The following ALK variants were observed in gnomAD, a reference collection of about 807,000 sequenced individuals.
ALK encodes ALK tyrosine kinase receptor.
A neutral mutation model predicts 163.1 loss-of-function variants in ALK; 74 were observed. That is an observed-to-expected ratio of 0.45 (90% CI 0.38 to 0.55). The LOEUF (loss-of-function observed/expected upper bound fraction) is 0.55. Among genes scored for constraint, ALK ranks in the 20% least tolerant of loss-of-function variants. The probability of loss-of-function intolerance (pLI) is 0.00; values close to 1 mark genes in which losing one functional copy is unlikely to be tolerated. For missense variants in ALK, 2,063 were observed against 2,105.3 expected (o/e 0.98, Z 0.39); for synonymous variants, 960 against 843.2 (o/e 1.14, Z -2.40).
At chr2:29,581,391 T>C (rs534772943) in intron 3 of ALK, among the ~76,000 whole-genome samples, 71 of 151,870 alleles carry the variant, frequency 4.7e-4, no homozygotes, top group African/African-American at 1.6e-3. Context: ...CCATCTCAAA[T>C]AAAATAAAAT....
chr2:29,468,597 C>G (rs1573379618), intron 4 of ALK, among the ~76,000 whole-genome samples: 1 of 151,974 alleles, frequency 6.6e-6, no homozygotes, highest in Admixed American at 6.6e-5. Flanking sequence ...TGCCTGTAAT[C>G]CAACACTCTG....
At chr2:29,487,252 G>A (rs993791980) in intron 4 of ALK, among the ~76,000 whole-genome samples, 4 of 152,188 alleles carry the variant, frequency 2.6e-5, no homozygotes, top group Non-Finnish European at 4.4e-5. Flanking sequence ...ATGTAGGGGA[G>A]CTTGAATGGA....
At chr2:29,366,564 T>C (rs1196401495) in intron 5 of ALK, among the ~76,000 whole-genome samples, 1 of 152,092 alleles carries the variant, frequency 6.6e-6, no homozygotes, top group African/African-American at 2.4e-5. Context: ...GTGATCTGTG[T>C]GGACCTAATG....
At chr2:29,283,266 G>A (rs1004611801) in intron 9 of ALK, among the ~76,000 whole-genome samples, 2 of 152,226 alleles carry the variant, frequency 1.3e-5, no homozygotes, top group Non-Finnish European at 2.9e-5. Flanking sequence ...CCAACTTGTC[G>A]AATCTCATTT....
rs922824549 is a variant in ALK at position 29,545,928 on chromosome 2, T to G, written c.953-13812A>C. The stretch of plus-strand genomic sequence containing the variant: ...TGCACAATTAGGAGCCTCTGCAAAC[T>G]GAAAAGGCAAAACAACCTTTCGGGT... On this transcript the variant is annotated intron_variant, in intron 3 of 28. Coordinates refer to ENST00000389048, the MANE Select transcript of ALK (RefSeq NM_004304.5). Among the ~76,000 whole-genome samples, 5 of 152,166 alleles carry G rather than the reference T, an allele frequency of 3.3e-5. No homozygotes were observed. The East Asian group carries it at 9.6e-4, about 29-fold the overall frequency.
intron 1 of ALK, among the ~76,000 whole-genome samples, chr2:29,849,402 A>G (rs1665936864): frequency 6.6e-6 from 1 of 152,158 alleles, no homozygotes; most frequent in Non-Finnish European, 1.5e-5. Flanking sequence ...GGGACTACCC[A>G]CAGAGCTGTG....
intron 26 of ALK, among the ~76,000 whole-genome samples, chr2:29,200,340 AC>A (rs1220791150): frequency 2.6e-5 from 4 of 152,198 alleles, no homozygotes; most frequent in African/African-American, 9.7e-5. Flanking sequence ...ATAGAACTGC[AC>A]ATGAATATTT....
At chr2:29,882,919 A>T (rs1022171530) in intron 1 of ALK, among the ~76,000 whole-genome samples, 2 of 152,160 alleles carry the variant, frequency 1.3e-5, no homozygotes, top group African/African-American at 4.8e-5. Context: ...ATCATCATGT[A>T]TTTTTATTTG....
chr2:29,707,280 G>A (rs796211470), intron 2 of ALK, among the ~76,000 whole-genome samples: 9 of 152,152 alleles, frequency 5.9e-5, no homozygotes, highest in African/African-American at 2.2e-4. Flanking sequence ...AGGACCTACT[G>A]GGTGTTAATG....
At chr2:29,219,580 T>C (rs1172510689) in intron 23 of ALK, among the ~76,000 whole-genome samples, 3 of 152,226 alleles carry the variant, frequency 2.0e-5, no homozygotes, top group African/African-American at 7.2e-5. Flanking sequence ...GCCTGGATCC[T>C]AACCTTGGGG....
At chr2:29,348,601 T>G (rs1054261761) in intron 5 of ALK, among the ~76,000 whole-genome samples, 1 of 152,206 alleles carries the variant, frequency 6.6e-6, no homozygotes, top group African/African-American at 2.4e-5. Context: ...TGATTGTTTA[T>G]AGGAAAGCAA....
At chr2:29,586,411 A>G (rs1317029680) in intron 3 of ALK, among the ~76,000 whole-genome samples, 1 of 152,200 alleles carries the variant, frequency 6.6e-6, no homozygotes, top group African/African-American at 2.4e-5. Flanking sequence ...ATTCTTATCT[A>G]CATTTGAGAA....
At chr2:29,452,160 C>T (rs1453505198) in intron 4 of ALK, among the ~76,000 whole-genome samples, 1 of 152,138 alleles carries the variant, frequency 6.6e-6, no homozygotes, top group Non-Finnish European at 1.5e-5. Flanking sequence ...TTTGGTTCTT[C>T]CTACTTCCTC....
chr2:29,566,821 T>C (rs1348547215), intron 3 of ALK, among the ~76,000 whole-genome samples: 1 of 152,116 alleles, frequency 6.6e-6, no homozygotes, highest in Non-Finnish European at 1.5e-5. Flanking sequence ...AAGTAATTAA[T>C]GACCTGGGAG....
intron 5 of ALK, among the ~76,000 whole-genome samples, chr2:29,337,688 C>T (rs551538050): frequency 1.3e-5 from 2 of 152,216 alleles, no homozygotes; most frequent in East Asian, 3.9e-4. Flanking sequence ...TCCTTCTCCT[C>T]GCAGAGGAAT....
At chr2:29,531,456 A>G (rs1395734019) in intron 4 of ALK, among the ~76,000 whole-genome samples, 1 of 152,150 alleles carries the variant, frequency 6.6e-6, no homozygotes, top group African/African-American at 2.4e-5. Flanking sequence ...AGTATCCATG[A>G]CTAATCCTGC....
chr2:29,538,872 T>C (rs1214400381), intron 3 of ALK, among the ~76,000 whole-genome samples: 1 of 152,220 alleles, frequency 6.6e-6, no homozygotes, highest in African/African-American at 2.4e-5. Context: ...TTCATAATTC[T>C]TGATTTTTAA....
intron 3 of ALK, among the ~76,000 whole-genome samples, chr2:29,570,343 G>T (rs1674323277): frequency 1.3e-5 from 2 of 152,244 alleles, no homozygotes; most frequent in African/African-American, 4.8e-5. Flanking sequence ...TGTGTATGTA[G>T]TCATCTGTGC....
At chr2:29,460,636 A>C (rs930721138) in intron 4 of ALK, among the ~76,000 whole-genome samples, 3 of 151,886 alleles carry the variant, frequency 2.0e-5, no homozygotes, top group African/African-American at 7.3e-5. Context: ...GATGCCAAAA[A>C]CCACGCCAAA....
Sources: gnomAD v4.1 joint callset for allele counts (sites outside exome capture counted in the v4.1 genomes callset) on GRCh38, gnomAD v4.1.1 for gene constraint, MANE v1.5 for transcripts, NCBI Gene and HGNC (gene_info 2026-07-23, HGNC 2026-07-21) for gene names.